PSMD3: variants seen among roughly 807,000 people sequenced by gnomAD.
PSMD3 encodes the protein proteasome 26S subunit, non-ATPase 3.
A neutral mutation model predicts 62.8 loss-of-function variants in PSMD3; 5 were observed. The observed-to-expected ratio is 0.08, with a 90% CI of 0.04 to 0.17. The LOEUF (loss-of-function observed/expected upper bound fraction) is 0.17. Ranked by LOEUF, PSMD3 falls within the 10% of genes least tolerant of loss-of-function variation. The pLI is 1.00. For synonymous variants in PSMD3, 265 were observed against 283.9 expected (o/e 0.93, Z 0.67); for missense variants, 524 against 713.6 (o/e 0.73, Z 3.03).
At chr17:39,988,555 T>A in intron 3 of PSMD3, 128 bp from the exon 4 acceptor site, 1 of 1,101,160 alleles carries the variant, frequency 9.1e-7, no homozygotes, top group Non-Finnish European at 1.3e-6. Flanking sequence ...TACATGCTTT[T>A]ATGTGAGCCT....
At chr17:39,981,297 T>G in intron 1 of PSMD3, 107 bp downstream of exon 1, 1 of 1,504,576 alleles carries the variant, frequency 6.6e-7, no homozygotes, top group Non-Finnish European at 8.9e-7. Context: ...CCTCAGTTCT[T>G]TGGGATCACC....
At chr17:39,986,119 G>A (rs543607231) in intron 2 of PSMD3, among the ~76,000 whole-genome samples, 29 of 152,058 alleles carry the variant, frequency 1.9e-4, no homozygotes, top group African/African-American at 6.8e-4. Context: ...TTTTTGAGAT[G>A]GGGTCTTGCT....
rs1161913586 is a variant in PSMD3, at chr17:39,980,944, C to T, written c.-27C>T. The T allele has an allele frequency of 2.0e-6, 3 of 1,489,882 alleles. No homozygotes were observed. Among genetic ancestry groups the T allele is most frequent in the East Asian group, 4.8e-5 (2 of 41,320 alleles). The allele number at this position is 1,489,882 out of a possible 1,614,324, so 92.3% of individuals were successfully genotyped here. On this transcript the variant is annotated 5_prime_UTR_variant, in exon 1 of 12. Transcript: ENST00000264639. ...TAACGCGAGGCCCCGGCCTCGGTCC[C>T]CGGACTAGGCCGTGACCCCGGGTGC...
chr17:39,981,644 C>G lies in PSMD3; in HGVS notation c.220+454C>G, dbSNP rs117542910. ...AAACTGTACAGCAGATTTTTGTTGT[C>G]CTAGCTGCCTTTAGCACACTCCCCC... On this transcript the variant is annotated intron_variant, in intron 1 of 11. Coordinates refer to ENST00000264639, the MANE Select transcript of PSMD3 (RefSeq NM_002809.4). Among the ~76,000 whole-genome samples, 1,457 of 152,234 alleles carry G rather than the reference C, an allele frequency of 9.6e-3. 8 individuals are homozygous for G. Among genetic ancestry groups the G allele is most frequent in the Non-Finnish European group, 0.014 (969 of 68,010 alleles).
In PSMD3 at chr17:39,996,026, G is replaced by A; in HGVS notation, c.1321-157G>A. On this transcript the variant is annotated intron_variant, in intron 9 of 11. Transcript: ENST00000264639. This position sits in a 1 kb window ranked among gnomAD's most constrained non-coding sequence, Gnocchi z 5.1. ...CCCAGCTACTTGGGAGGCTGAGGCA[G>A]GAGAATCGCTTGAACCCGGGAGGTA... The A allele has an allele frequency of 2.4e-6, 2 of 833,558 alleles. No homozygotes were observed. The highest frequency in any genetic ancestry group is 1.9e-6 in the Non-Finnish European group (1 of 530,106). 51.6% of individuals were successfully genotyped at this position (833,558 alleles called of 1,614,324 possible).
intron 1 of PSMD3, among the ~76,000 whole-genome samples, chr17:39,983,114 C>T (rs967587627): frequency 6.6e-6 from 1 of 151,768 alleles, no homozygotes; most frequent in Non-Finnish European, 1.5e-5. Flanking sequence ...CTCACTGCAA[C>T]CTCTGCCTCC....
Sources: gnomAD v4.1 joint callset for allele counts (sites outside exome capture counted in the v4.1 genomes callset) on GRCh38, gnomAD v4.1.1 for gene constraint, Gnocchi (gnomAD v3.1) non-coding constraint, MANE v1.5 for transcripts, NCBI Gene and HGNC (gene_info 2026-07-23, HGNC 2026-07-21) for gene names.